Variants in PFAS observed in about 807,000 individuals in gnomAD.
PFAS encodes the protein FGAM synthase.
PFAS carries 97 observed loss-of-function variants against 140.6 expected under a neutral mutation model. The observed-to-expected ratio is 0.69, with a 90% confidence interval of 0.59 to 0.82. PFAS has a LOEUF of 0.82. Among genes scored for constraint, PFAS ranks in the 40% least tolerant of loss-of-function variants. The pLI, the probability that PFAS is intolerant of heterozygous loss-of-function variation, is 0.00. For synonymous variants in PFAS, 679 were observed against 718.8 expected (o/e 0.94, Z 0.88); for missense variants, 1,656 against 1,780.2 (o/e 0.93, Z 1.26).
chr17:8,258,979 C>G (rs1358461844), intron 11 of PFAS, among the ~76,000 whole-genome samples: 2 of 143,884 alleles, frequency 1.4e-5, no homozygotes, highest in East Asian at 2.0e-4. Context: ...GATGGAGACT[C>G]CATCTCAAAA....
In PFAS at chr17:8,262,911, TTC is replaced by T; in HGVS notation, c.1337-7_1337-6del. 1 of 1,612,538 alleles carries T rather than the reference TTC, an allele frequency of 6.2e-7. No individual in the cohort carries two copies. The highest frequency in any genetic ancestry group is 8.5e-7 in the Non-Finnish European group (1 of 1,178,686). On this transcript the variant is annotated splice_region_variant and splice_polypyrimidine_tract_variant and intron_variant, in intron 11 of 27. Transcript: ENST00000314666. ...CCCAGTGTTCTGATTCTGCCTTCCCTTCTTACAGGCATGGAAGTTGTAAAGGT... is the reference window on the plus strand; with the variant it reads ...CCCAGTGTTCTGATTCTGCCTTCCCTTTACAGGCATGGAAGTTGTAAAGGT...
In PFAS at chr17:8,256,345, C is replaced by T; in HGVS notation, c.759C>T (p.Ser253=). The change falls in exon 7 of 28, where the codon TCC becomes TCT. Residue 253 remains serine, a synonymous_variant. Transcript: ENST00000314666. ...GQKLVHSLFE[S]IMSTQESSNP... is the part of the protein sequence containing the mutation. ...AGCTGGTGCACTCACTGTTTGAGTC[C>T]ATCATGAGCACCCAGGAATCCTCGA... The T allele has an allele frequency of 6.2e-7, 1 of 1,614,058 alleles. No individual in the cohort carries two copies. Among genetic ancestry groups the T allele is most frequent in the Non-Finnish European group, 8.5e-7 (1 of 1,180,026 alleles).
In PFAS at chr17:8,267,085, G is replaced by GC; in HGVS notation, c.3028dup (p.Leu1010ProfsTer48). ...GGAGGAGCCTGTTGGGGAGCTGCGA[G>GC]CCCTCTGGGAGGAGACGAGTTTCCA... On this transcript the variant is annotated frameshift_variant, in exon 24 of 28. Coordinates refer to ENST00000314666, the MANE Select transcript of PFAS (RefSeq NM_012393.3). LOFTEE classifies it high-confidence loss of function. This position sits in a 1 kb window ranked among gnomAD's most constrained non-coding sequence, Gnocchi z 4.9. The GC allele has an allele frequency of 6.2e-7, 1 of 1,614,036 alleles. No individual in the cohort carries two copies.
At position 8,255,929 on chromosome 17, in the gene PFAS, G is replaced by T. The variant is rs1009253546; in HGVS notation, c.680+19G>T. ...CCAATAGGTGAGGAGAAATGGGGTT[G>T]TTCCCATACCTGAGCCCATGGGTGT... is the stretch of plus-strand genomic sequence containing the variant. On this transcript the variant is annotated intron_variant, in intron 6 of 27. Coordinates refer to ENST00000314666, the MANE Select transcript of PFAS (RefSeq NM_012393.3). The T allele has an allele frequency of 1.9e-6, 3 of 1,555,828 alleles. No homozygotes were observed. The highest frequency in any genetic ancestry group is 2.7e-6 in the Non-Finnish European group (3 of 1,126,990).
intron 11 of PFAS, 125 bp downstream of exon 11, chr17:8,258,324 C>T (rs780277933): frequency 2.9e-6 from 3 of 1,046,626 alleles, no homozygotes; most frequent in Non-Finnish European, 4.2e-6. Flanking sequence ...TCTTATGTGT[C>T]ACATAATGAT....
At chr17:8,257,473 G>A (rs1046381135) in intron 9 of PFAS, among the ~76,000 whole-genome samples, 3 of 152,090 alleles carry the variant, frequency 2.0e-5, no homozygotes, top group South Asian at 2.1e-4. Flanking sequence ...AGAGAATGGC[G>A]TGAACCCGGG....
Position 8,268,615 on chromosome 17 carries a change from G to C in PFAS, c.3465G>C (p.Leu1155=), listed in dbSNP as rs374300380. 11 of 1,613,564 alleles carry C rather than the reference G, an allele frequency of 6.8e-6. No homozygotes were observed. Among genetic ancestry groups the C allele is most frequent in the African/African-American group, 1.3e-5 (1 of 74,886 alleles). Residue 1155 remains leucine, a synonymous_variant, in exon 27 of 28, where the codon CTG becomes CTC. Transcript: ENST00000314666. ...RFRKRPDTFS[L]GVCNGCQLLA... ...GGAAGCGGCCAGACACCTTCAGCCT[G>C]GGCGTGTGTAATGGCTGTCAACTGC...
intron 11 of PFAS, among the ~76,000 whole-genome samples, chr17:8,260,581 C>A (rs1989552163): frequency 6.6e-6 from 1 of 152,208 alleles, no homozygotes; most frequent in Non-Finnish European, 1.5e-5. Flanking sequence ...AGCTATTATG[C>A]ATAATGCTGC....
intron 14 of PFAS, 57 bp from the exon 15 acceptor site, chr17:8,263,718 A>G (rs1452778781): frequency 6.2e-7 from 1 of 1,606,002 alleles, no homozygotes; most frequent in Non-Finnish European, 8.5e-7. Context: ...TTGCAACAAC[A>G]TGAGACGTGG....
chr17:8,248,128 C>G (rs941229969), upstream of PFAS: 2 of 940,576 alleles, frequency 2.1e-6, no homozygotes, highest in Non-Finnish European at 3.3e-6. Flanking sequence ...CACCGGTGAG[C>G]GGGTTTCCTC....
At position 8,253,982 on chromosome 17, in the gene PFAS, G is replaced by C. The variant is rs368050168; in HGVS notation, c.45G>C (p.Glu15Asp). Residue 15 changes from glutamate (E) to aspartate (D), a missense_variant, in exon 2 of 28, where the codon GAG becomes GAC. This residue lies in a region of PFAS where 773 missense variants were observed against 757.3 expected (regional missense o/e 1.02). Transcript: ENST00000314666. ...TCTATGTTCGTCCCTCTGGCCATGA[G>C]GGGGCAGCCCCTGGACACACTCGGA... ...LHFYVRPSGH[E>D]GAAPGHTRRK... 3 of 1,614,146 alleles carry C rather than the reference G, an allele frequency of 1.9e-6. No homozygotes were observed. Among genetic ancestry groups the C allele is most frequent in the East Asian group, 2.2e-5 (1 of 44,892 alleles).
chr17:8,256,442 C>G, intron 7 of PFAS, 35 bp downstream of exon 7: 4 of 1,613,716 alleles, frequency 2.5e-6, no homozygotes, highest in Non-Finnish European at 3.4e-6. Flanking sequence ...CGTCAGGACC[C>G]GGGGAGGGGA....
chr17:8,262,977 C>T lies in PFAS; in HGVS notation c.1394C>T (p.Ala465Val). The change falls in exon 12 of 28, where the codon GCT becomes GTT. Residue 465 changes from alanine (A) to valine (V), a missense_variant. Transcript: ENST00000314666. ...PVYRIGVGGG[A>V]ASSVQVQGDN... ...TACAGGATTGGAGTTGGAGGTGGAGCTGCTTCATCTGTGCAGGTGAGTGGG... is the reference window on the plus strand; with the variant it reads ...TACAGGATTGGAGTTGGAGGTGGAGTTGCTTCATCTGTGCAGGTGAGTGGG... The T allele has an allele frequency of 6.2e-7, 1 of 1,613,912 alleles. No individual in the cohort carries two copies. The highest frequency in any genetic ancestry group is 8.5e-7 in the Non-Finnish European group (1 of 1,179,800).
Position 8,257,864 on chromosome 17 carries a change from C to T in PFAS, c.1133C>T (p.Pro378Leu). Reference protein sequence around the residue: ...SFQYPGNFARPLEVAIEASNG... With the variant: ...SFQYPGNFARLLEVAIEASNG... ...CAGTATCCTGGGAATTTTGCCCGGC[C>T]CCTGGAGGTTGCCATTGAAGCCAGT... The change falls in exon 10 of 28, where the codon CCC becomes CTC. Residue 378 changes from proline (P) to leucine (L), a missense_variant. Around this residue, in one of 2 missense-constraint regions of PFAS, gnomAD observed 773 missense variants for 757.3 expected, o/e 1.02. Transcript: ENST00000314666. 1 of 1,614,028 alleles carries T rather than the reference C, an allele frequency of 6.2e-7. No individual in the cohort carries two copies. The highest frequency in any genetic ancestry group is 2.2e-5 in the East Asian group (1 of 44,882).
chr17:8,265,174 C>A, intron 18 of PFAS, 49 bp downstream of exon 18: 1 of 1,568,570 alleles, frequency 6.4e-7, no homozygotes, highest in South Asian at 1.1e-5. Flanking sequence ...CTTCAGGACC[C>A]TTCCACATCC....
intron 11 of PFAS, among the ~76,000 whole-genome samples, chr17:8,259,891 A>G (rs555155649): frequency 6.6e-6 from 1 of 152,324 alleles, no homozygotes; most frequent in Non-Finnish European, 1.5e-5. Context: ...ACCTGAGGTC[A>G]GGAGTTCAAG....
chr17:8,258,583 G>A (rs1989466338), intron 11 of PFAS, among the ~76,000 whole-genome samples: 1 of 152,270 alleles, frequency 6.6e-6, no homozygotes, highest in South Asian at 2.1e-4. Context: ...GCTCGCACCT[G>A]TAATCTCAGC....
chr17:8,269,569 T>A lies in PFAS; in HGVS notation c.*305T>A. On this transcript the variant is annotated 3_prime_UTR_variant, in exon 28 of 28. Coordinates refer to ENST00000314666, the MANE Select transcript of PFAS (RefSeq NM_012393.3). ...CTGAGGTCCGAACAGGGGCTTCTGT[T>A]GCCCACTTCACAACACCCAGTGATC... The A allele has an allele frequency of 3.0e-6, 1 of 328,012 alleles. No individual in the cohort carries two copies. Among genetic ancestry groups the A allele is most frequent in the South Asian group, 5.7e-5 (1 of 17,412 alleles). 20.3% of individuals were successfully genotyped at this position (328,012 alleles called of 1,614,324 possible).
Position 8,252,651 on chromosome 17 carries a change from G to C in PFAS, c.-79-1208G>C, listed in dbSNP as rs550571398. 1.2e-3 allele frequency among the ~76,000 whole-genome samples: 187 copies of C among 149,884 alleles called. 1 individual carries two copies. The highest frequency in any genetic ancestry group is 4.3e-3 in the African/African-American group (174 of 40,696). ...GAACTCCTGATCTCAAGTTCTCACT[G>C]TGTTGCCCAGGCTGGAGTGCAGCGG... On this transcript the variant is annotated intron_variant, in intron 1 of 27. Transcript: ENST00000314666.
Sources: gnomAD v4.1 joint callset for allele counts (sites outside exome capture counted in the v4.1 genomes callset) on GRCh38, gnomAD v4.1.1 for gene constraint, gnomAD v4.1.1 regional missense constraint, Gnocchi (gnomAD v3.1) non-coding constraint, MANE v1.5 for transcripts, NCBI Gene and HGNC (gene_info 2026-07-23, HGNC 2026-07-21) for gene names.